The following NELL1 variants were observed in gnomAD, a reference collection of about 807,000 sequenced individuals.
NELL1 encodes the protein neural EGFL like 1, also known as protein kinase C-binding protein NELL1.
NELL1 carries 76 observed loss-of-function variants against 107.4 expected under a neutral mutation model. The observed-to-expected ratio is 0.71, with a 90% CI of 0.59 to 0.86. The LOEUF is 0.86. NELL1 is among the 40% of genes least tolerant of loss of function. The pLI is 0.00. For missense variants in NELL1, 1,024 were observed against 1,005.5 expected, an observed-to-expected ratio of 1.02 and a Z score of -0.25; for synonymous variants, 353 against 341.2, an observed-to-expected ratio of 1.03 and a Z score of -0.38.
At chr11:21,410,803 T>C (rs1326007560) in intron 15 of NELL1, among the ~76,000 whole-genome samples, 1 of 152,124 alleles carries the variant, frequency 6.6e-6, no homozygotes, top group Non-Finnish European at 1.5e-5. Flanking sequence ...AACTGCCTAC[T>C]CTGCACTGGA....
intron 13 of NELL1, among the ~76,000 whole-genome samples, chr11:21,141,651 G>A (rs1167847512): frequency 6.6e-6 from 1 of 152,222 alleles, no homozygotes; most frequent in Non-Finnish European, 1.5e-5. Context: ...GGAAACAGCA[G>A]TAGCTTAAAG....
intron 11 of NELL1, among the ~76,000 whole-genome samples, chr11:20,956,505 G>T (rs1851174878): frequency 6.6e-6 from 1 of 151,860 alleles, no homozygotes; most frequent in African/African-American, 2.4e-5. Flanking sequence ...AATTAGCCGG[G>T]CATGGTGGCG....
chr11:20,776,589 G>A (rs984690981), intron 2 of NELL1, among the ~76,000 whole-genome samples: 1 of 152,084 alleles, frequency 6.6e-6, no homozygotes, highest in African/African-American at 2.4e-5. Flanking sequence ...AACCTGAGTT[G>A]GCCTGGGGTG....
At chr11:21,188,580 G>T (rs2133832686) in intron 13 of NELL1, among the ~76,000 whole-genome samples, 1 of 151,768 alleles carries the variant, frequency 6.6e-6, no homozygotes, top group East Asian at 1.9e-4. Flanking sequence ...AGGAATTGTT[G>T]TACTGACATT....
At chr11:20,990,609 C>T (rs1172315033) in intron 12 of NELL1, among the ~76,000 whole-genome samples, 1 of 152,178 alleles carries the variant, frequency 6.6e-6, no homozygotes, top group Non-Finnish European at 1.5e-5. Context: ...GCATCTCAGC[C>T]TGTTCTTGCT....
At chr11:21,383,083 T>A (rs1406544769) in intron 15 of NELL1, among the ~76,000 whole-genome samples, 3 of 151,994 alleles carry the variant, frequency 2.0e-5, no homozygotes, top group African/African-American at 7.2e-5. Context: ...TTGAAGCCAA[T>A]AGCCTAACTC....
intron 5 of NELL1, among the ~76,000 whole-genome samples, chr11:20,889,710 G>T (rs1849578289): frequency 6.6e-6 from 1 of 152,112 alleles, no homozygotes; most frequent in Non-Finnish European, 1.5e-5. Flanking sequence ...TAGAAGGCTG[G>T]CGTGACTCAT....
chr11:21,381,249 A>T (rs569234483), intron 15 of NELL1, among the ~76,000 whole-genome samples: 14 of 152,126 alleles, frequency 9.2e-5, no homozygotes, highest in African/African-American at 3.4e-4. Flanking sequence ...ATTGTTTTAC[A>T]TATTCCTTTC....
intron 11 of NELL1, among the ~76,000 whole-genome samples, chr11:20,947,911 C>T (rs985035221): frequency 2.0e-5 from 3 of 152,154 alleles, no homozygotes; most frequent in African/African-American, 7.2e-5. Flanking sequence ...AACATTTTTA[C>T]TCCCTGCAAG....
intron 19 of NELL1, 78 bp downstream of exon 19, chr11:21,573,487 T>G (rs1427616276): frequency 8.1e-7 from 1 of 1,238,258 alleles, no homozygotes; most frequent in Non-Finnish European, 1.2e-6. Context: ...TCCTGATGTT[T>G]CTGAATACAC....
chr11:20,837,270 T>G (rs1776343833), intron 3 of NELL1, among the ~76,000 whole-genome samples: 1 of 152,160 alleles, frequency 6.6e-6, no homozygotes, highest in Admixed American at 6.6e-5. Flanking sequence ...AGATTACAGA[T>G]AAGCATGAGA....
rs1175791043 is a variant in NELL1, at chr11:20,928,573, A to G, written c.997+94A>G. On this transcript the variant is annotated intron_variant, in intron 9 of 19. Transcript: ENST00000357134. ...TTCTGGACTCAACTGATTGACATTG[A>G]TGAAATGAAACATTGGCAGTTGATG... The G allele has an allele frequency of 4.2e-6, 4 of 959,808 alleles. No homozygotes were observed. In the East Asian group the frequency reaches 1.0e-4, roughly 25 times the overall value. The allele number at this position is 959,808 out of a possible 1,614,324, so 59.5% of individuals were successfully genotyped here.
intron 4 of NELL1, among the ~76,000 whole-genome samples, chr11:20,856,642 C>T (rs1457020954): frequency 1.3e-5 from 2 of 152,198 alleles, no homozygotes; most frequent in African/African-American, 4.8e-5. Flanking sequence ...TGTACTTTTG[C>T]TAATATCTGC....
chr11:21,414,859 C>T (rs1488819970), intron 15 of NELL1, among the ~76,000 whole-genome samples: 1 of 152,066 alleles, frequency 6.6e-6, no homozygotes, highest in African/African-American at 2.4e-5. Context: ...TCCCACCTTC[C>T]CTCCTCAAGC....
At chr11:21,021,259 A>C (rs1285929092) in intron 12 of NELL1, among the ~76,000 whole-genome samples, 1 of 149,756 alleles carries the variant, frequency 6.7e-6, no homozygotes, top group Admixed American at 6.6e-5. Context: ...ATGAATACTG[A>C]AGCTTGGCTT....
intron 4 of NELL1, among the ~76,000 whole-genome samples, chr11:20,869,489 T>C (rs1360896270): frequency 6.6e-6 from 1 of 152,194 alleles, no homozygotes; most frequent in Admixed American, 6.5e-5. Flanking sequence ...AGCCAGTTCA[T>C]CCATTTGATC....
intron 12 of NELL1, among the ~76,000 whole-genome samples, chr11:20,980,770 C>T (rs1245959779): frequency 6.6e-6 from 1 of 152,144 alleles, no homozygotes; most frequent in Non-Finnish European, 1.5e-5. Flanking sequence ...GAGTCCAAGG[C>T]CCTGGGATTC....
At chr11:21,169,961 G>T in intron 13 of NELL1, 3 of 1,434,454 alleles carry the variant, frequency 2.1e-6, no homozygotes, top group Middle Eastern at 2.4e-4. Context: ...CCCTCTCTTT[G>T]TAGGGGACAG....
At chr11:21,313,423 A>G (rs1849792352) in intron 14 of NELL1, among the ~76,000 whole-genome samples, 1 of 152,180 alleles carries the variant, frequency 6.6e-6, no homozygotes, top group Admixed American at 6.5e-5. Context: ...ATAGGGAGTT[A>G]TCCAATTAGG....
Sources: allele counts gnomAD v4.1 joint callset (sites outside exome capture counted in the v4.1 genomes callset), GRCh38; gene constraint gnomAD v4.1.1; transcripts MANE v1.5; gene names NCBI Gene and HGNC (gene_info 2026-07-23, HGNC 2026-07-21).